The following ASTN2 variants were observed in gnomAD, a reference collection of about 807,000 sequenced individuals.
ASTN2 encodes the protein astrotactin 2.
ASTN2 carries 54 observed loss-of-function variants against 139.8 expected under a neutral mutation model. The observed-to-expected ratio is 0.39, with a 90% CI of 0.31 to 0.48. The LOEUF is 0.48. ASTN2 is among the 20% of genes least tolerant of loss of function. The pLI is 0.95. For synonymous variants in ASTN2, 756 were observed against 719.5 expected (o/e 1.05, Z -0.81); for missense variants, 1,565 against 1,725.1 (o/e 0.91, Z 1.64).
chr9:117,102,207 G>C (rs1828995382), intron 4 of ASTN2, among the ~76,000 whole-genome samples: 1 of 152,120 alleles, frequency 6.6e-6, no homozygotes, highest in Admixed American at 6.6e-5. Flanking sequence ...GCCATAAAAA[G>C]GAATACTGAT....
intron 1 of ASTN2, among the ~76,000 whole-genome samples, chr9:117,404,320 G>T (rs1830920224): frequency 6.6e-6 from 1 of 152,146 alleles, no homozygotes; most frequent in African/African-American, 2.4e-5. Flanking sequence ...AGGGCTTTTG[G>T]TCCTCAGACC....
intron 19 of ASTN2, among the ~76,000 whole-genome samples, chr9:116,499,271 C>A (rs1805897737): frequency 6.6e-6 from 1 of 152,138 alleles, no homozygotes; most frequent in Non-Finnish European, 1.5e-5. Flanking sequence ...CAGTGTCTAG[C>A]AGAGTGTGGG....
chr9:117,039,676 C>T, intron 6 of ASTN2, 143 bp downstream of exon 6: 1 of 781,560 alleles, frequency 1.3e-6, no homozygotes, highest in Non-Finnish European at 1.8e-6. Flanking sequence ...GATCCTCTTC[C>T]AAGGTCTTTA....
chr9:117,395,979 G>A (rs1488823283), intron 1 of ASTN2, among the ~76,000 whole-genome samples: 3 of 152,172 alleles, frequency 2.0e-5, no homozygotes, highest in Non-Finnish European at 2.9e-5. Flanking sequence ...TAACATGCTC[G>A]GCAACTTTAC....
At chr9:116,674,018 T>TA (rs1859354509) in intron 16 of ASTN2, among the ~76,000 whole-genome samples, 1 of 152,162 alleles carries the variant, frequency 6.6e-6, no homozygotes, top group African/African-American at 2.4e-5. Flanking sequence ...GTTTATAGTT[T>TA]AAAGAAAAAT....
chr9:117,223,214 A>T (rs1304387534), intron 2 of ASTN2, among the ~76,000 whole-genome samples: 1 of 152,156 alleles, frequency 6.6e-6, no homozygotes, highest in Non-Finnish European at 1.5e-5. Context: ...AGGGTCTAGG[A>T]TGGCAGTTCT....
At chr9:117,169,154 A>T (rs1830733849) in intron 3 of ASTN2, among the ~76,000 whole-genome samples, 1 of 152,068 alleles carries the variant, frequency 6.6e-6, no homozygotes, top group African/African-American at 2.4e-5. Flanking sequence ...TGGGGGAATT[A>T]GAGCATAGCT....
At chr9:116,706,896 TTGGCATTTAAGAACAAGAATAAAG>T (rs1025039135) in intron 16 of ASTN2, among the ~76,000 whole-genome samples, 2 of 151,710 alleles carry the variant, frequency 1.3e-5, no homozygotes, top group African/African-American at 2.4e-5. Flanking sequence ...TTTTTGATAA[TTGGCATTTAAGAACAAGAATAAAG>T]TGGCATTTAA....
At chr9:117,077,223 T>G (rs1828304781) in intron 5 of ASTN2, among the ~76,000 whole-genome samples, 1 of 152,152 alleles carries the variant, frequency 6.6e-6, no homozygotes, top group African/African-American at 2.4e-5. Flanking sequence ...GAAGGCCAAC[T>G]GCATTAGCAC....
chr9:117,190,058 C>T (rs1227263773), intron 3 of ASTN2, among the ~76,000 whole-genome samples: 1 of 152,110 alleles, frequency 6.6e-6, no homozygotes, highest in Non-Finnish European at 1.5e-5. Context: ...GTTCCAATCT[C>T]TCAGGAAGGA....
chr9:117,259,426 C>T (rs1168909077), intron 2 of ASTN2, among the ~76,000 whole-genome samples: 1 of 152,084 alleles, frequency 6.6e-6, no homozygotes, highest in Non-Finnish European at 1.5e-5. Flanking sequence ...TCAGACATAC[C>T]TCATTATGCC....
At chr9:117,080,432 T>A (rs3892281) in intron 5 of ASTN2, among the ~76,000 whole-genome samples, 9,795 of 152,128 alleles carry the variant, frequency 0.064, 693 homozygotes, top group East Asian at 0.19. Flanking sequence ...ATGTTTAGGT[T>A]TAGCACTTCA....
chr9:116,428,631 G>A (rs971610758), intron 22 of ASTN2, among the ~76,000 whole-genome samples: 4 of 152,078 alleles, frequency 2.6e-5, no homozygotes, highest in Non-Finnish European at 4.4e-5. Context: ...GTGAAAACTG[G>A]AAGGAGCCAT....
rs115917203 is a variant in ASTN2, at chr9:117,095,539, G to A, written c.1276+505C>T. Among the ~76,000 whole-genome samples the A allele has an allele frequency of 4.0e-3, 607 of 150,708 alleles. 5 individuals are homozygous for A. Among genetic ancestry groups the A allele is most frequent in the African/African-American group, 0.015 (586 of 40,364 alleles). On this transcript the variant is annotated intron_variant, in intron 5 of 22. Coordinates refer to ENST00000313400, the MANE Select transcript of ASTN2 (RefSeq NM_001365068.1). ...GAGGACTTTACCTCTGGTCTGGTAA[G>A]TAAAATTTCCTGAACAAATGCTTGA...
At chr9:116,609,874 A>G (rs1419628170) in intron 19 of ASTN2, among the ~76,000 whole-genome samples, 1 of 152,150 alleles carries the variant, frequency 6.6e-6, no homozygotes, top group Non-Finnish European at 1.5e-5. Flanking sequence ...TACTTGAAAT[A>G]GTATTATATC....
intron 13 of ASTN2, among the ~76,000 whole-genome samples, chr9:116,767,697 T>C (rs1172073954): frequency 1.3e-5 from 2 of 152,168 alleles, no homozygotes; most frequent in African/African-American, 2.4e-5. Context: ...ATATAACCTC[T>C]TGGTGTACTA....
At chr9:116,666,677 G>A (rs941588709) in intron 16 of ASTN2, among the ~76,000 whole-genome samples, 1 of 151,796 alleles carries the variant, frequency 6.6e-6, no homozygotes. Flanking sequence ...ATGTTTTTCT[G>A]AGAAAAGGGG....
chr9:117,105,930 C>A (rs886911594), intron 4 of ASTN2, among the ~76,000 whole-genome samples: 3 of 152,114 alleles, frequency 2.0e-5, no homozygotes, highest in African/African-American at 7.2e-5. Context: ...GATGAGGACA[C>A]AGAGGGTCAG....
intron 19 of ASTN2, among the ~76,000 whole-genome samples, chr9:116,556,564 GGA>G (rs1345489356): frequency 2.0e-5 from 3 of 152,084 alleles, no homozygotes; most frequent in Non-Finnish European, 4.4e-5. Flanking sequence ...TTCATACATC[GGA>G]ATTTTCTAAA....
Sources: gnomAD v4.1 joint callset for allele counts (sites outside exome capture counted in the v4.1 genomes callset) on GRCh38, gnomAD v4.1.1 for gene constraint, MANE v1.5 for transcripts, NCBI Gene and HGNC (gene_info 2026-07-23, HGNC 2026-07-21) for gene names.